The following MYLK2 variants were observed in gnomAD, a reference collection of about 807,000 sequenced individuals.
MYLK2 encodes the protein myosin light chain kinase 2, skeletal/cardiac muscle.
A neutral mutation model predicts 58.2 loss-of-function variants in MYLK2; 27 were observed. The ratio of observed to expected loss-of-function variants is 0.46; its 90% CI spans 0.34 to 0.64. The LOEUF (loss-of-function observed/expected upper bound fraction) is 0.64. Among genes scored for constraint, MYLK2 ranks in the 30% least tolerant of loss-of-function variants. MYLK2 has a pLI of 0.01. For missense variants in MYLK2, 676 were observed against 764.3 expected (o/e 0.88, Z 1.36); for synonymous variants, 310 against 296.7 (o/e 1.04, Z -0.46).
intron 8 of MYLK2, chr20:31,828,694 C>T (rs962399437): frequency 1.0e-6 from 1 of 985,316 alleles, no homozygotes; most frequent in Non-Finnish European, 1.2e-6. Context: ...GATGCTGTTG[C>T]CGCCTCTAAC....
rs755594011 is a variant in MYLK2 at position 31,826,917 on chromosome 20, G to A, written c.1203G>A (p.Arg401=). Residue 401 remains arginine, a synonymous_variant, in exon 8 of 13, where the codon AGG becomes AGA. Transcript: ENST00000375985. ...GGATCCTCTTCATGCACAAGATGAG[G>A]GTTTTGCACCTGGACCTCAAGGTAC... ...CDGILFMHKM[R]VLHLDLKPEN... is the part of the protein sequence containing the mutation. The A allele has an allele frequency of 8.1e-6, 13 of 1,613,964 alleles. No homozygotes were observed. Among genetic ancestry groups the A allele is most frequent in the Non-Finnish European group, 1.1e-5 (13 of 1,180,020 alleles).
Position 31,820,565 on chromosome 20 carries a change from G to C in MYLK2, c.473+19G>C, listed in dbSNP as rs1258253431. ...TCTCCAGGTGAATATCCCCTCCTGG[G>C]AGTGGGGAGGGGTCCTGTGGTTCTG... is the stretch of plus-strand genomic sequence containing the variant. On this transcript the variant is annotated intron_variant, in intron 3 of 12. Transcript: ENST00000375985. The C allele has an allele frequency of 6.3e-7, 1 of 1,598,684 alleles. No individual in the cohort carries two copies.
intron 2 of MYLK2, 56 bp downstream of exon 2, chr20:31,819,688 C>A: frequency 1.9e-6 from 3 of 1,541,660 alleles, no homozygotes; most frequent in Non-Finnish European, 2.6e-6. Context: ...GGTTTTGAAT[C>A]CAGGACTGGG....
rs542183292 is a variant in MYLK2, at chr20:31,831,194, C to A, written c.1424+53C>A. 1.6e-5 allele frequency: 25 copies of A among 1,612,740 alleles called. No homozygotes were observed. In the East Asian group the frequency reaches 5.1e-4, roughly 33 times the overall value. ...GGGGTTGGTGGGGCATGGGGGCGAG[C>A]GGCCGAGGCCAAGATTGGCCCTAGG... is the stretch of plus-strand genomic sequence containing the variant. On this transcript the variant is annotated intron_variant, in intron 10 of 12. Transcript: ENST00000375985.
At chr20:31,831,389 C>T (rs557238071) in intron 10 of MYLK2, among the ~76,000 whole-genome samples, 1 of 151,956 alleles carries the variant, frequency 6.6e-6, no homozygotes, top group Non-Finnish European at 1.5e-5. Context: ...TGACCTGGGG[C>T]GGGCAGAGGG....
intron 12 of MYLK2, 40 bp from the exon 13 acceptor site, chr20:31,833,677 C>T: frequency 1.3e-6 from 2 of 1,568,952 alleles, no homozygotes; most frequent in Non-Finnish European, 1.8e-6. Flanking sequence ...TGCCCCCCTG[C>T]CCTGGTGTTG....
intron 8 of MYLK2, among the ~76,000 whole-genome samples, chr20:31,830,318 G>C (rs1017606552): frequency 6.6e-6 from 1 of 152,182 alleles, no homozygotes; most frequent in Non-Finnish European, 1.5e-5. Context: ...ACTAACTGGG[G>C]AGACAAGAGT....
chr20:31,828,886 A>C (rs1016549102), intron 8 of MYLK2, among the ~76,000 whole-genome samples: 15 of 152,292 alleles, frequency 9.8e-5, no homozygotes, highest in Non-Finnish European at 1.3e-4. Flanking sequence ...TGATGGAGTA[A>C]GTAAGCCAGG....
rs202084078 is a variant in MYLK2 at position 31,821,489 on chromosome 20, C to T, written c.524C>T (p.Thr175Ile). Residue 175 changes from threonine (T) to isoleucine (I), a missense_variant, in exon 4 of 13, where the codon ACC (threonine) becomes ATC (isoleucine). Physicochemically the swap from Thr to Ile is moderately conservative, Grantham distance 89 (BLOSUM62 -1). This residue lies in a region of MYLK2 where 306 missense variants were observed against 296.5 expected (regional missense o/e 1.03). Coordinates refer to ENST00000375985, the MANE Select transcript of MYLK2 (RefSeq NM_033118.4). The stretch of plus-strand genomic sequence containing the variant: ...CCCCCAAGCGAGGCATCAGAGCTCA[C>T]CTTTGAAGGGGTGCCCATGACCCAC... The part of the protein sequence containing the change: ...KKPPSEASEL[T>I]FEGVPMTHSP... 12 of 1,613,976 alleles carry T rather than the reference C, an allele frequency of 7.4e-6. No individual in the cohort carries two copies. The highest frequency in any genetic ancestry group is 5.0e-5 in the Admixed American group (3 of 60,026).
chr20:31,819,532 G>T lies in MYLK2; in HGVS notation c.-48-1G>T. The T allele has an allele frequency of 1.9e-6, 3 of 1,550,768 alleles. No individual in the cohort carries two copies. The highest frequency in any genetic ancestry group is 2.6e-6 in the Non-Finnish European group (3 of 1,146,516). ...GACACACTCCACTCTTGTTTCTGCA[G>T]CTAGAAAGACTTGAGTTAGACAAGC... On this transcript the variant is annotated splice_acceptor_variant, in intron 1 of 12. Transcript: ENST00000375985. LOFTEE classifies it low-confidence loss of function (5UTR_SPLICE).
intron 5 of MYLK2, chr20:31,824,017 C>G (rs570973250): frequency 6.5e-5 from 64 of 985,324 alleles, no homozygotes; most frequent in Non-Finnish European, 7.5e-5. Flanking sequence ...CCTCCCTACA[C>G]GCCTGCTCTT....
intron 11 of MYLK2, 32 bp from the exon 12 acceptor site, chr20:31,831,972 A>C: frequency 6.2e-7 from 1 of 1,612,458 alleles, no homozygotes; most frequent in Non-Finnish European, 8.5e-7. Context: ...ACGAGCATGC[A>C]GCCCACCGTC....
intron 8 of MYLK2, chr20:31,827,369 C>T: frequency 1.0e-6 from 1 of 984,996 alleles, no homozygotes; most frequent in Non-Finnish European, 1.2e-6. Flanking sequence ...CTACTTTATG[C>T]CAGGCAATGC....
intron 6 of MYLK2, 112 bp from the exon 7 acceptor site, chr20:31,826,493 T>A: frequency 6.9e-7 from 1 of 1,443,082 alleles, no homozygotes; most frequent in Non-Finnish European, 9.5e-7. Flanking sequence ...AGGAGGAGGC[T>A]GAGCAGTGAT....
intron 12 of MYLK2, among the ~76,000 whole-genome samples, chr20:31,832,345 C>T (rs2062311472): frequency 6.6e-6 from 1 of 152,170 alleles, no homozygotes; most frequent in African/African-American, 2.4e-5. Context: ...CCCAGCCCCA[C>T]CCATCTGGGG....
At position 31,824,366 on chromosome 20, in the gene MYLK2, G is replaced by A. The variant is rs193922713; in HGVS notation, c.972+14G>A. On this transcript the variant is annotated intron_variant, in intron 6 of 12. Coordinates refer to ENST00000375985, the MANE Select transcript of MYLK2 (RefSeq NM_033118.4). ...CCCAAAGACAAGGTAGTGAGGTTGCGGGGGTGGTGGCTGCCCAGGATGGGG... is the reference window on the plus strand; with the variant it reads ...CCCAAAGACAAGGTAGTGAGGTTGCAGGGGTGGTGGCTGCCCAGGATGGGG... 628 of 1,603,684 alleles carry A rather than the reference G, an allele frequency of 3.9e-4. 5 individuals carry two copies. Among genetic ancestry groups the A allele is most frequent in the South Asian group, 3.6e-3 (320 of 89,708 alleles).
Position 31,821,736 on chromosome 20 carries a change from G to C in MYLK2, c.771G>C (p.Leu257Phe). The change falls in exon 4 of 13, where the codon TTG becomes TTC. Residue 257 changes from leucine (L) to phenylalanine (F), a missense_variant and splice_region_variant. By Grantham distance (22) the Leu-to-Phe change is conservative. This residue lies in a region of MYLK2 where 370 missense variants were observed against 467.8 expected (regional missense o/e 0.79). Transcript: ENST00000375985. Reference protein sequence around the residue: ...TAREEDCFQILDDCPPPPAPF... With the variant: ...TAREEDCFQIFDDCPPPPAPF... ...GGGAGGAGGACTGCTTCCAGATTTTGGGTAGGCCAGGGGCAGGTGGGGGCT... is the reference window on the plus strand; with the variant it reads ...GGGAGGAGGACTGCTTCCAGATTTTCGGTAGGCCAGGGGCAGGTGGGGGCT... 1.3e-6 allele frequency: 2 copies of C among 1,593,620 alleles called. No homozygotes were observed. Among genetic ancestry groups the C allele is most frequent in the Non-Finnish European group, 1.7e-6 (2 of 1,167,890 alleles).
intron 5 of MYLK2, 29 bp from the exon 6 acceptor site, chr20:31,824,230 C>G: frequency 6.2e-7 from 1 of 1,607,702 alleles, no homozygotes; most frequent in Non-Finnish European, 8.5e-7. Flanking sequence ...CTCTGGGGTC[C>G]CCTCACTTAC....
At chr20:31,822,677 C>T (rs1810002841) in intron 4 of MYLK2, among the ~76,000 whole-genome samples, 1 of 152,092 alleles carries the variant, frequency 6.6e-6, no homozygotes, top group African/African-American at 2.4e-5. Flanking sequence ...GGCTGAAGTG[C>T]CCTGGGAGAC....
Sources: gnomAD v4.1 joint callset for allele counts (sites outside exome capture counted in the v4.1 genomes callset) on GRCh38, gnomAD v4.1.1 for gene constraint, gnomAD v4.1.1 regional missense constraint, MANE v1.5 for transcripts, NCBI Gene and HGNC (gene_info 2026-07-23, HGNC 2026-07-21) for gene names.